The following TGFB1I1 variants were observed in gnomAD, a reference collection of about 807,000 sequenced individuals.
TGFB1I1 encodes the protein transforming growth factor beta 1 induced transcript 1.
A neutral mutation model predicts 52.0 loss-of-function variants in TGFB1I1; 33 were observed. That is an observed-to-expected ratio of 0.63 (90% CI 0.48 to 0.85). The LOEUF is 0.85. TGFB1I1 is among the 40% of genes least tolerant of loss of function. The probability of loss-of-function intolerance (pLI) is 0.00; values close to 1 mark genes in which losing one functional copy is unlikely to be tolerated. For synonymous variants in TGFB1I1, 236 were observed against 253.3 expected, an observed-to-expected ratio of 0.93 and a Z score of 0.65; for missense variants, 577 against 614.9, an observed-to-expected ratio of 0.94 and a Z score of 0.65.
Position 31,476,934 on chromosome 16 carries a change from G to T in TGFB1I1, c.1043G>T (p.Gly348Val). ...CAGCTGTTCGCCCCGCGCTGCCAGG[G>T]CTGCCAGGGCCCCATCCTGGATAAC... ...FLQLFAPRCQ[G>V]CQGPILDNYI... Residue 348 changes from glycine (G) to valine (V), a missense_variant, in exon 10 of 11, where the codon GGC becomes GTC. Physicochemically the swap from Gly to Val is moderately radical, Grantham distance 109. Transcript: ENST00000394863. The surrounding 1 kb of genome is among the most constrained non-coding windows in gnomAD (Gnocchi z 7.6). 6.2e-7 allele frequency: 1 copy of T among 1,606,300 alleles called. No homozygotes were observed. Among genetic ancestry groups the T allele is most frequent in the Non-Finnish European group, 8.5e-7 (1 of 1,178,848 alleles).
In TGFB1I1 at chr16:31,474,629, C is replaced by T. The variant is rs1307600356; in HGVS notation, c.586C>T (p.Pro196Ser). 1.2e-6 allele frequency: 2 copies of T among 1,612,704 alleles called. No individual in the cohort carries two copies. Among genetic ancestry groups the T allele is most frequent in the Non-Finnish European group, 1.7e-6 (2 of 1,179,228 alleles). ...SSTNEGSPSP[P>S]EPTGKGSLDT... is the part of the protein sequence containing the mutation. Reference sequence around the variant, plus strand: ...CACAAATGAGGGCTCCCCATCCCCACCAGAGCCGACTGGCAAGGGCAGCCT... The same window carrying T: ...CACAAATGAGGGCTCCCCATCCCCATCAGAGCCGACTGGCAAGGGCAGCCT... The change falls in exon 7 of 11, where the codon CCA (proline) becomes TCA (serine). Residue 196 changes from proline to serine, a missense_variant. Pro to Ser is a moderately conservative substitution (Grantham distance 74). Coordinates refer to ENST00000394863, the MANE Select transcript of TGFB1I1 (RefSeq NM_001042454.3). This position sits in a 1 kb window ranked among gnomAD's most constrained non-coding sequence, Gnocchi z 4.2.
Position 31,472,179 on chromosome 16 carries a change from G to A in TGFB1I1, c.-10G>A, listed in dbSNP as rs1418914665. The A allele has an allele frequency of 2.4e-6, 3 of 1,247,832 alleles. No individual in the cohort carries two copies. The highest frequency in any genetic ancestry group is 1.9e-5 in the African/African-American group (1 of 51,628). 77.3% of individuals were successfully genotyped at this position (1,247,832 alleles called of 1,614,324 possible). ...CCTGTTCGCCCCGCGCCACCGGCCC[G>A]CGCCCCGCCATGGAGGACCTGGGTG... is the stretch of plus-strand genomic sequence containing the variant. On this transcript the variant is annotated 5_prime_UTR_variant, in exon 1 of 11. Coordinates refer to ENST00000394863, the MANE Select transcript of TGFB1I1 (RefSeq NM_001042454.3).
Position 31,474,385 on chromosome 16 carries a change from C to T in TGFB1I1, c.449C>T (p.Ser150Phe). 1 of 1,614,236 alleles carries T rather than the reference C, an allele frequency of 6.2e-7. No individual in the cohort carries two copies. The highest frequency in any genetic ancestry group is 1.1e-5 in the South Asian group (1 of 91,090). ...CCGTCTCCTGGCCTCCCAAAGGCTT[C>T]TGCCACCTCAGCCACTCTGGAGCTG... The part of the protein sequence containing the change: ...SSPSPGLPKA[S>F]ATSATLELDR... The change falls in exon 6 of 11, where the codon TCT becomes TTT. Residue 150 changes from serine (S) to phenylalanine (F), a missense_variant. By Grantham distance (155) the Ser-to-Phe change is radical. Around this residue, in one of 3 missense-constraint regions of TGFB1I1, gnomAD observed 456 missense variants for 461.6 expected, o/e 0.99. Coordinates refer to ENST00000394863, the MANE Select transcript of TGFB1I1 (RefSeq NM_001042454.3). This position sits in a 1 kb window ranked among gnomAD's most constrained non-coding sequence, Gnocchi z 4.2.
At position 31,474,738 on chromosome 16, in the gene TGFB1I1, A is replaced by G. The variant is rs150264181; in HGVS notation, c.695A>G (p.Asn232Ser). 2 of 1,609,868 alleles carry G rather than the reference A, an allele frequency of 1.2e-6. No individual in the cohort carries two copies. Among genetic ancestry groups the G allele is most frequent in the Non-Finnish European group, 1.7e-6 (2 of 1,178,476 alleles). Residue 232 changes from asparagine (N) to serine (S), a missense_variant, in exon 7 of 11, where the codon AAT becomes AGT. Coordinates refer to ENST00000394863, the MANE Select transcript of TGFB1I1 (RefSeq NM_001042454.3). This position sits in a 1 kb window ranked among gnomAD's most constrained non-coding sequence, Gnocchi z 4.2. Reference sequence around the variant, plus strand: ...GCCAAAGGCCTCTGTGGCTCCTGCAATAAACCTATTGCTGGGCAAGTAAGT... The same window carrying G: ...GCCAAAGGCCTCTGTGGCTCCTGCAGTAAACCTATTGCTGGGCAAGTAAGT... ...TQAKGLCGSC[N>S]KPIAGQVVTA...
chr16:31,475,871 G>A (rs1267855795), intron 7 of TGFB1I1, 141 bp from the exon 8 acceptor site: 5 of 898,012 alleles, frequency 5.6e-6, no homozygotes, highest in East Asian at 5.1e-5. Context: ...GATCTCCATC[G>A]CTTACAGGCT....
intron 1 of TGFB1I1, 30 bp downstream of exon 1, chr16:31,472,231 G>GC: frequency 6.8e-7 from 1 of 1,480,180 alleles, no homozygotes; most frequent in Non-Finnish European, 9.0e-7. Flanking sequence ...CGGGTCCGTG[G>GC]CCCCTCACCG....
At position 31,476,008 on chromosome 16, in the gene TGFB1I1, G is replaced by A. The variant is rs200494014; in HGVS notation, c.715-4G>A. The A allele has an allele frequency of 2.5e-6, 4 of 1,610,010 alleles. No individual in the cohort carries two copies. The highest frequency in any genetic ancestry group is 3.4e-6 in the Non-Finnish European group (4 of 1,178,918). The stretch of plus-strand genomic sequence containing the variant: ...CTCTGACCCGCCTCACCTCCCACTC[G>A]CAGGTGGTGACGGCTCTGGGCCGCG... On this transcript the variant is annotated splice_polypyrimidine_tract_variant and splice_region_variant and intron_variant, in intron 7 of 10. Transcript: ENST00000394863. The surrounding 1 kb of genome is among the most constrained non-coding windows in gnomAD (Gnocchi z 7.6).
chr16:31,474,250 C>G lies in TGFB1I1; in HGVS notation c.413+11C>G. On this transcript the variant is annotated intron_variant, in intron 5 of 10. Coordinates refer to ENST00000394863, the MANE Select transcript of TGFB1I1 (RefSeq NM_001042454.3). The surrounding 1 kb of genome is among the most constrained non-coding windows in gnomAD (Gnocchi z 4.2). ...GAAAAGACCCAGCCTGTGAGTTTGG[C>G]GTCGTTGTCAGGGCTGAGAGATGAG... 4 of 1,614,036 alleles carry G rather than the reference C, an allele frequency of 2.5e-6. No homozygotes were observed. The highest frequency in any genetic ancestry group is 3.3e-4 in the Middle Eastern group (2 of 6,062).
At position 31,474,303 on chromosome 16, in the gene TGFB1I1, G is replaced by A. The variant is rs758593474; in HGVS notation, c.414-47G>A. 6.2e-7 allele frequency: 1 copy of A among 1,613,758 alleles called. No individual in the cohort carries two copies. Among genetic ancestry groups the A allele is most frequent in the South Asian group, 1.1e-5 (1 of 91,062 alleles). On this transcript the variant is annotated intron_variant, in intron 5 of 10. Transcript: ENST00000394863. The surrounding 1 kb of genome is among the most constrained non-coding windows in gnomAD (Gnocchi z 4.2). Reference sequence around the variant, plus strand: ...CTGGATATCTGAGTCACTAGAGGGAGCGTTGCTCTGGGAGGCTCTGAGATG... The same window carrying A: ...CTGGATATCTGAGTCACTAGAGGGAACGTTGCTCTGGGAGGCTCTGAGATG...
In TGFB1I1 at chr16:31,477,187, C is replaced by A; in HGVS notation, c.1120-123C>A. ...GCGAGTTTTCCGGGCAGGGTCCCAC[C>A]GGACGGGATTCTTCGCGTCTAGGGC... On this transcript the variant is annotated intron_variant, in intron 10 of 10. Transcript: ENST00000394863. This position sits in a 1 kb window ranked among gnomAD's most constrained non-coding sequence, Gnocchi z 4.7. The A allele has an allele frequency of 6.9e-7, 1 of 1,455,552 alleles. No individual in the cohort carries two copies. Among genetic ancestry groups the A allele is most frequent in the Non-Finnish European group, 9.2e-7 (1 of 1,091,198 alleles). 90.2% of individuals were successfully genotyped at this position (1,455,552 alleles called of 1,614,324 possible).
At chr16:31,475,038 ACT>A (rs1184742230) in intron 7 of TGFB1I1, 1 of 423,974 alleles carries the variant, frequency 2.4e-6, no homozygotes, top group African/African-American at 2.0e-5. Flanking sequence ...TTCACAAAAC[ACT>A]CTGTGGCTCC....
chr16:31,476,410 C>T lies in TGFB1I1; in HGVS notation c.889-71C>T, dbSNP rs1399475680. On this transcript the variant is annotated intron_variant, in intron 8 of 10. Coordinates refer to ENST00000394863, the MANE Select transcript of TGFB1I1 (RefSeq NM_001042454.3). The surrounding 1 kb of genome is among the most constrained non-coding windows in gnomAD (Gnocchi z 7.6). ...CCCACGCATGCCTTAGTCCAGTCACCCGGGTTCCGCGCGGGAGAGGAAGGC... is the reference window on the plus strand; with the variant it reads ...CCCACGCATGCCTTAGTCCAGTCACTCGGGTTCCGCGCGGGAGAGGAAGGC... 5.4e-6 allele frequency: 8 copies of T among 1,492,310 alleles called. No individual in the cohort carries two copies. The highest frequency in any genetic ancestry group is 7.3e-6 in the Non-Finnish European group (8 of 1,089,814). 92.4% of individuals were successfully genotyped at this position (1,492,310 alleles called of 1,614,324 possible).
Position 31,476,594 on chromosome 16 carries a change from C to T in TGFB1I1, c.970+32C>T, listed in dbSNP as rs776545976. ...GTGAACTCGACTCCCATCTTAAAAGCTGCGGGTCCCCTCGACGTCTCGCCC... is the reference window on the plus strand; with the variant it reads ...GTGAACTCGACTCCCATCTTAAAAGTTGCGGGTCCCCTCGACGTCTCGCCC... On this transcript the variant is annotated intron_variant, in intron 9 of 10. Transcript: ENST00000394863. This position sits in a 1 kb window ranked among gnomAD's most constrained non-coding sequence, Gnocchi z 7.6. 16 of 1,597,790 alleles carry T rather than the reference C, an allele frequency of 1.0e-5. No homozygotes were observed. In the East Asian group the frequency reaches 3.4e-4, roughly 34 times the overall value.
intron 7 of TGFB1I1, 180 bp from the exon 8 acceptor site, chr16:31,475,832 C>G (rs2082419664): frequency 1.5e-6 from 1 of 658,020 alleles, no homozygotes; most frequent in African/African-American, 1.8e-5. Flanking sequence ...AATCCTGGAG[C>G]GCAGCTGGAA....
At chr16:31,473,241 G>C in intron 1 of TGFB1I1, 200 bp from the exon 2 acceptor site, 1 of 1,383,194 alleles carries the variant, frequency 7.2e-7, no homozygotes, top group Non-Finnish European at 9.3e-7. Context: ...GTTTGTGCTT[G>C]GCTCCAAGCG....
chr16:31,474,656 G>C lies in TGFB1I1; in HGVS notation c.613G>C (p.Asp205His). ...PPEPTGKGSL[D>H]TMLGLLQSDL... ...AGAGCCGACTGGCAAGGGCAGCCTA[G>C]ACACCATGCTGGGGCTGCTGCAGTC... The change falls in exon 7 of 11, where the codon GAC becomes CAC. Residue 205 changes from aspartate (D) to histidine (H), a missense_variant. Transcript: ENST00000394863. The surrounding 1 kb of genome is among the most constrained non-coding windows in gnomAD (Gnocchi z 4.2). 1 of 1,613,564 alleles carries C rather than the reference G, an allele frequency of 6.2e-7. No individual in the cohort carries two copies. The highest frequency in any genetic ancestry group is 8.5e-7 in the Non-Finnish European group (1 of 1,179,908).
rs773630238 is a variant in TGFB1I1, at chr16:31,477,354, G to A, written c.1164G>A (p.Glu388=). 1 of 1,611,862 alleles carries A rather than the reference G, an allele frequency of 6.2e-7. No homozygotes were observed. Among genetic ancestry groups the A allele is most frequent in the South Asian group, 1.1e-5 (1 of 90,974 alleles). The change falls in exon 11 of 11, where the codon GAG becomes GAA. Residue 388 remains glutamate (E), a synonymous_variant. Transcript: ENST00000394863. This position sits in a 1 kb window ranked among gnomAD's most constrained non-coding sequence, Gnocchi z 4.7. ...PFSGGSFFEH[E]GRPLCENHFH... ...CGGGAGGCAGCTTTTTCGAGCACGA[G>A]GGCCGCCCGTTGTGCGAGAACCACT...
rs2082422722 is a variant in TGFB1I1 at position 31,476,250 on chromosome 16, C to T, written c.888+65C>T. The T allele has an allele frequency of 3.2e-6, 5 of 1,570,012 alleles. No individual in the cohort carries two copies. Among genetic ancestry groups the T allele is most frequent in the Non-Finnish European group, 2.6e-6 (3 of 1,158,656 alleles). Reference sequence around the variant, plus strand: ...CCAGGAGAGCTGTGGGACGGGCCTCCACCGCATGGGTCCCGCCCCACCCGC... The same window carrying T: ...CCAGGAGAGCTGTGGGACGGGCCTCTACCGCATGGGTCCCGCCCCACCCGC... On this transcript the variant is annotated intron_variant, in intron 8 of 10. Transcript: ENST00000394863. The surrounding 1 kb of genome is among the most constrained non-coding windows in gnomAD (Gnocchi z 7.6).
chr16:31,476,193 C>G lies in TGFB1I1; in HGVS notation c.888+8C>G. ...AACCAGCCCATCCGACACGTGAGCCCCGCCCGGCCGCACCGAGCCCGCCCT... is the reference window on the plus strand; with the variant it reads ...AACCAGCCCATCCGACACGTGAGCCGCGCCCGGCCGCACCGAGCCCGCCCT... On this transcript the variant is annotated splice_region_variant and intron_variant, in intron 8 of 10. Transcript: ENST00000394863. This position sits in a 1 kb window ranked among gnomAD's most constrained non-coding sequence, Gnocchi z 7.6. 1 of 1,609,388 alleles carries G rather than the reference C, an allele frequency of 6.2e-7. No homozygotes were observed. Among genetic ancestry groups the G allele is most frequent in the Non-Finnish European group, 8.5e-7 (1 of 1,178,656 alleles).
Sources: allele counts gnomAD v4.1 joint callset, GRCh38; gene constraint gnomAD v4.1.1; regional missense constraint gnomAD v4.1.1; non-coding constraint Gnocchi (gnomAD v3.1); transcripts MANE v1.5; gene names NCBI Gene and HGNC (gene_info 2026-07-23, HGNC 2026-07-21).